The following ABTB2 variants were observed in gnomAD, a reference collection of about 807,000 sequenced individuals.
The protein encoded by ABTB2 is ankyrin repeat and BTB domain containing 2, also known as ankyrin repeat and BTB/POZ domain-containing protein 2.
A neutral mutation model predicts 104.1 loss-of-function variants in ABTB2; 56 were observed. That is an observed-to-expected ratio of 0.54 (90% CI 0.43 to 0.67). The LOEUF (loss-of-function observed/expected upper bound fraction) is 0.67. ABTB2 is among the 30% of genes least tolerant of loss of function. The probability of loss-of-function intolerance (pLI) is 0.00; values close to 1 mark genes in which losing one functional copy is unlikely to be tolerated. For synonymous variants in ABTB2, 606 were observed against 608.2 expected, an observed-to-expected ratio of 1.00 and a Z score of 0.05; for missense variants, 1,279 against 1,407.7, an observed-to-expected ratio of 0.91 and a Z score of 1.46.
intron 1 of ABTB2, among the ~76,000 whole-genome samples, chr11:34,262,376 A>G (rs78972177): frequency 0.013 from 1,981 of 152,306 alleles, 46 homozygotes; most frequent in African/African-American, 0.045. Context: ...GATGTAAAGG[A>G]ACCCGCTTGA....
intron 1 of ABTB2, among the ~76,000 whole-genome samples, chr11:34,259,266 C>T (rs1854160110): frequency 6.6e-6 from 1 of 152,178 alleles, no homozygotes; most frequent in Non-Finnish European, 1.5e-5. Context: ...CTAGTCAGCA[C>T]CACCAAGTCT....
chr11:34,272,728 A>AAC (rs1554987959), intron 1 of ABTB2, among the ~76,000 whole-genome samples: 86 of 133,206 alleles, frequency 6.5e-4, no homozygotes, highest in African/African-American at 1.5e-3. Context: ...AAAAAAAAAA[A>AAC]AAACCAACCA....
intron 1 of ABTB2, among the ~76,000 whole-genome samples, chr11:34,227,442 T>C (rs1437949750): frequency 6.6e-6 from 1 of 152,218 alleles, no homozygotes; most frequent in Non-Finnish European, 1.5e-5. Context: ...AAGATGTGGC[T>C]TTTTGTGTCT....
At chr11:34,289,483 T>A (rs1322922388) in intron 1 of ABTB2, among the ~76,000 whole-genome samples, 2 of 152,072 alleles carry the variant, frequency 1.3e-5, no homozygotes, top group Non-Finnish European at 2.9e-5. Context: ...TTCTCAAAGG[T>A]AGAAAATGAG....
intron 1 of ABTB2, among the ~76,000 whole-genome samples, chr11:34,333,488 G>T (rs1855155965): frequency 6.6e-6 from 1 of 152,206 alleles, no homozygotes; most frequent in East Asian, 1.9e-4. Context: ...GGGTATGGTG[G>T]CTCAAGCCTG....
intron 1 of ABTB2, among the ~76,000 whole-genome samples, chr11:34,226,204 TAAAAAAAAAAA>T (rs34915007): frequency 1.3e-5 from 1 of 79,594 alleles, no homozygotes; most frequent in Non-Finnish European, 2.4e-5. Flanking sequence ...GAGAGTCCAT[TAAAAAAAAAAA>T]AAAAAAAAAA....
In ABTB2 at chr11:34,215,482, G is replaced by C. The variant is rs1013855964; in HGVS notation, c.884-10792C>G. On this transcript the variant is annotated intron_variant, in intron 1 of 16. Coordinates refer to ENST00000435224, the MANE Select transcript of ABTB2 (RefSeq NM_145804.3). ...TATTCATCAGAGATTTACTGCACTG[G>C]AGTCCTGCTTATAAACATAACCTGC... Among the ~76,000 whole-genome samples the C allele has an allele frequency of 1.2e-4, 18 of 152,210 alleles. 1 individual carries two copies. The highest frequency in any genetic ancestry group is 7.2e-4 in the Admixed American group (11 of 15,278).
chr11:34,168,129 G>C, intron 5 of ABTB2, 137 bp from the exon 6 acceptor site: 1 of 853,688 alleles, frequency 1.2e-6, no homozygotes, highest in Non-Finnish European at 1.9e-6. Context: ...CCCAGGCTCT[G>C]TGCTTCCTGG....
chr11:34,199,277 A>G (rs907205915), intron 2 of ABTB2, among the ~76,000 whole-genome samples: 4 of 152,098 alleles, frequency 2.6e-5, no homozygotes, highest in East Asian at 1.9e-4. Context: ...CCCCACCAGG[A>G]AAGTCCTCCT....
At chr11:34,260,363 C>G (rs1854173909) in intron 1 of ABTB2, among the ~76,000 whole-genome samples, 1 of 152,168 alleles carries the variant, frequency 6.6e-6, no homozygotes, top group Non-Finnish European at 1.5e-5. Context: ...TGATAAAGTA[C>G]CTGCACTCTG....
At chr11:34,303,930 A>G (rs1854741935) in intron 1 of ABTB2, among the ~76,000 whole-genome samples, 1 of 152,170 alleles carries the variant, frequency 6.6e-6, no homozygotes, top group Admixed American at 6.5e-5. Context: ...GGTGTAAGCC[A>G]CCACGCCTGG....
rs1475186898 is a variant in ABTB2, at chr11:34,173,236, C to T, written c.1316G>A (p.Ser439Asn). The T allele has an allele frequency of 1.2e-6, 2 of 1,612,944 alleles. No individual in the cohort carries two copies. Among genetic ancestry groups the T allele is most frequent in the South Asian group, 1.1e-5 (1 of 90,900 alleles). ...GATGTCGCCGCTGTCCACGGTGAGG[C>T]TGCGGCGGTGCTCTGCGTAGGTGAT... ...VAITYAEHRRSLTVDSGDIRQ... is the reference protein window; with the variant it reads ...VAITYAEHRRNLTVDSGDIRQ... The change falls in exon 4 of 17, where the codon AGC becomes AAC. Residue 439 changes from serine (S) to asparagine (N), a missense_variant. Physicochemically the swap from Ser to Asn is conservative, Grantham distance 46. Transcript: ENST00000435224.
chr11:34,156,034 G>T (rs982729021), intron 14 of ABTB2, among the ~76,000 whole-genome samples: 2 of 152,186 alleles, frequency 1.3e-5, no homozygotes, highest in Non-Finnish European at 2.9e-5. Flanking sequence ...TTCCTGTTGG[G>T]ATTCTTTGCT....
chr11:34,233,045 G>C (rs996348940), intron 1 of ABTB2, among the ~76,000 whole-genome samples: 4 of 151,344 alleles, frequency 2.6e-5, no homozygotes, highest in African/African-American at 9.7e-5. Flanking sequence ...GCCACTGAAG[G>C]GAGACACCCT....
At chr11:34,277,807 T>C (rs1450384547) in intron 1 of ABTB2, among the ~76,000 whole-genome samples, 1 of 146,538 alleles carries the variant, frequency 6.8e-6, no homozygotes. Flanking sequence ...CTCTTTTTTT[T>C]TTTTTTTTTT....
chr11:34,297,882 A>T (rs551060201), intron 1 of ABTB2, among the ~76,000 whole-genome samples: 2 of 152,150 alleles, frequency 1.3e-5, no homozygotes, highest in Admixed American at 1.3e-4. Flanking sequence ...TTACGCCATG[A>T]AAGCTCCTCT....
Position 34,197,404 on chromosome 11 carries a change from A to C in ABTB2, c.1165T>G (p.Tyr389Asp), listed in dbSNP as rs1853272093. ...TCCATCTGTGGACACCGCAGAAAGT[A>C]GTAGAGCGTGTGGAGGGCGTCGGGG... Reference protein sequence around the residue: ...WSPDALHTLYYFLRCPQMESM... With the variant: ...WSPDALHTLYDFLRCPQMESM... Residue 389 changes from tyrosine to aspartate, a missense_variant, in exon 3 of 17, where the codon TAC becomes GAC. Tyr to Asp is a radical substitution (Grantham distance 160, BLOSUM62 -3). Transcript: ENST00000435224. 5 of 1,612,602 alleles carry C rather than the reference A, an allele frequency of 3.1e-6. No individual in the cohort carries two copies. The highest frequency in any genetic ancestry group is 4.2e-6 in the Non-Finnish European group (5 of 1,178,926).
intron 10 of ABTB2, among the ~76,000 whole-genome samples, chr11:34,161,698 C>CACA (rs1852723252): frequency 6.6e-6 from 1 of 152,182 alleles, no homozygotes; most frequent in Non-Finnish European, 1.5e-5. Context: ...GGGGCTGTAA[C>CACA]TTAACATTGC....
chr11:34,189,584 GAGTGAGACCCTGTCTCAACAACAACAACC>G (rs1371607070), intron 3 of ABTB2, among the ~76,000 whole-genome samples: 5 of 152,336 alleles, frequency 3.3e-5, no homozygotes, highest in Middle Eastern at 3.4e-3. Context: ...CTGGGTGACA[GAGTGAGACCCTGTCTCAACAACAACAACC>G]ACTCAACTAA....
Sources: allele counts gnomAD v4.1 joint callset (sites outside exome capture counted in the v4.1 genomes callset), GRCh38; gene constraint gnomAD v4.1.1; transcripts MANE v1.5; gene names NCBI Gene and HGNC (gene_info 2026-07-23, HGNC 2026-07-21).